IFT22: variants seen among roughly 807,000 people sequenced by gnomAD.
The protein encoded by IFT22 is intraflagellar transport 22.
A neutral mutation model predicts 21.0 loss-of-function variants in IFT22; 13 were observed. That is an observed-to-expected ratio of 0.62 (90% CI 0.40 to 0.98). The LOEUF (loss-of-function observed/expected upper bound fraction) is 0.98. Among genes scored for constraint, IFT22 ranks in the 50% least tolerant of loss-of-function variants. The pLI is 0.00. For synonymous variants in IFT22, 67 were observed against 82.4 expected, an observed-to-expected ratio of 0.81 and a Z score of 1.01; for missense variants, 227 against 228.9, an observed-to-expected ratio of 0.99 and a Z score of 0.06.
Position 101,313,756 on chromosome 7 carries a change from A to G in IFT22, c.*1378T>C, listed in dbSNP as rs1369772951. 1 of 152,256 alleles carries G rather than the reference A, an allele frequency of 6.6e-6. No homozygotes were observed. Among genetic ancestry groups the G allele is most frequent in the Non-Finnish European group, 1.5e-5 (1 of 68,052 alleles). 9.4% of individuals were successfully genotyped at this position (152,256 alleles called of 1,614,324 possible). On this transcript the variant is annotated 3_prime_UTR_variant, in exon 5 of 5. Transcript: ENST00000315322. Reference sequence around the variant, plus strand: ...TTCTCAAATACAAAATCTATGAATAAGGATCAAGTATACGTTCATTTGGCA... The same window carrying G: ...TTCTCAAATACAAAATCTATGAATAGGGATCAAGTATACGTTCATTTGGCA...
At chr7:101,318,793 C>T (rs1584314255) in intron 2 of IFT22, 163 bp downstream of exon 2, 1 of 584,718 alleles carries the variant, frequency 1.7e-6, no homozygotes, top group South Asian at 2.0e-5. Context: ...CATGCCAACA[C>T]ACCTGGCTAA....
intron 1 of IFT22, among the ~76,000 whole-genome samples, chr7:101,320,114 G>T (rs192782866): frequency 2.0e-5 from 3 of 151,886 alleles, no homozygotes; most frequent in Non-Finnish European, 4.4e-5. Context: ...GCACCACCAA[G>T]CCCAGCGAAT....
intron 1 of IFT22, among the ~76,000 whole-genome samples, chr7:101,321,099 T>C (rs1423191500): frequency 6.6e-6 from 1 of 152,004 alleles, no homozygotes; most frequent in African/African-American, 2.4e-5. Flanking sequence ...GCCAAGATCA[T>C]GCCACTGCAC....
rs532484473 is a variant in IFT22, at chr7:101,311,990, CTAAGA to C, written c.*3139_*3143del. Among the ~76,000 whole-genome samples, 466 of 152,124 alleles carry C rather than the reference CTAAGA, an allele frequency of 3.1e-3. 2 individuals carry two copies. The highest frequency in any genetic ancestry group is 0.011 in the African/African-American group (438 of 41,522). The stretch of plus-strand genomic sequence containing the variant: ...AAACAAAACAACACAAAAAAATCTC[CTAAGA>C]TGATTAAAACAAACTTGCTTCTACA... On this transcript the variant is annotated 3_prime_UTR_variant, in exon 5 of 5. Transcript: ENST00000315322.
chr7:101,321,604 G>A (rs1258019131), intron 1 of IFT22, 67 bp downstream of exon 1: 2 of 1,509,048 alleles, frequency 1.3e-6, no homozygotes, highest in Non-Finnish European at 1.8e-6. Context: ...GACGGGTGGG[G>A]ACCTGCGCTC....
Position 101,315,219 on chromosome 7 carries a change from C to G in IFT22, c.473G>C (p.Arg158Pro). 1 of 1,614,096 alleles carries G rather than the reference C, an allele frequency of 6.2e-7. No homozygotes were observed. The change falls in exon 5 of 5, where the codon CGG (arginine) becomes CCG (proline). Residue 158 changes from arginine to proline, a missense_variant. Transcript: ENST00000315322. ...SNLEDDPEEIRMEFIKYLKSI... is the reference protein window; with the variant it reads ...SNLEDDPEEIPMEFIKYLKSI... The stretch of plus-strand genomic sequence containing the variant: ...TTTTAAATACTTTATGAATTCCATC[C>G]GGATCTCCTCAGGGTCATCTTCCAG...
chr7:101,315,921 C>T (rs1584309327), intron 4 of IFT22: 3 of 178,372 alleles, frequency 1.7e-5, no homozygotes, highest in African/African-American at 7.2e-5. Context: ...GAACTCCCGA[C>T]CTCAAGTGAT....
chr7:101,319,246 A>G (rs1790257857), intron 1 of IFT22, among the ~76,000 whole-genome samples: 1 of 151,854 alleles, frequency 6.6e-6, no homozygotes, highest in Non-Finnish European at 1.5e-5. Context: ...AGGAGTTTTT[A>G]TTTTTATTTT....
chr7:101,315,122 G>C lies in IFT22; in HGVS notation c.*12C>G, dbSNP rs571787938. ...TTTCACTGGGGATGTGGCAGTCCCA[G>C]GTGAAGGCTGGCTAGGTCATAATTG... is the stretch of plus-strand genomic sequence containing the variant. On this transcript the variant is annotated 3_prime_UTR_variant, in exon 5 of 5. Coordinates refer to ENST00000315322, the MANE Select transcript of IFT22 (RefSeq NM_022777.4). 9.9e-5 allele frequency: 159 copies of C among 1,610,956 alleles called. No individual in the cohort carries two copies. The South Asian group carries it at 1.7e-3, about 17-fold the overall frequency.
chr7:101,314,977 G>A lies in IFT22; in HGVS notation c.*157C>T. On this transcript the variant is annotated 3_prime_UTR_variant, in exon 5 of 5. Coordinates refer to ENST00000315322, the MANE Select transcript of IFT22 (RefSeq NM_022777.4). ...TCAGGGCAGAGCACAGATGGTCTGA[G>A]TGAACGCCCTGTGTGACAGGTGCCT... 1.4e-6 allele frequency: 1 copy of A among 727,728 alleles called. No homozygotes were observed. Among genetic ancestry groups the A allele is most frequent in the Non-Finnish European group, 2.2e-6 (1 of 452,500 alleles). The allele number at this position is 727,728 out of a possible 1,614,324, so 45.1% of individuals were successfully genotyped here. A position where few individuals can be genotyped will look rare whatever the true frequency, so the allele number is the denominator to read the frequency against.
At chr7:101,321,568 C>A in intron 1 of IFT22, 103 bp downstream of exon 1, 3 of 1,285,436 alleles carry the variant, frequency 2.3e-6, no homozygotes, top group East Asian at 2.7e-5. Context: ...CCCGGGTTCC[C>A]GCCTCCGGGA....
At chr7:101,317,626 A>ATT (rs1161752597) in intron 3 of IFT22, among the ~76,000 whole-genome samples, 1 of 152,084 alleles carries the variant, frequency 6.6e-6, no homozygotes, top group African/African-American at 2.4e-5. Context: ...AAAGCAATGC[A>ATT]TGTCAGCAAA....
chr7:101,311,826 A>G lies in IFT22; in HGVS notation c.*3308T>C, dbSNP rs1324059099. ...GGAGTTCAAGACCAGCCTGGCCAAG[A>G]TGGTGAAACCGTCTCTACTAAAAAT... On this transcript the variant is annotated 3_prime_UTR_variant, in exon 5 of 5. Transcript: ENST00000315322. Among the ~76,000 whole-genome samples, 3 of 151,858 alleles carry G rather than the reference A, an allele frequency of 2.0e-5. No individual in the cohort carries two copies. The highest frequency in any genetic ancestry group is 4.4e-5 in the Non-Finnish European group (3 of 67,954).
Position 101,311,728 on chromosome 7 carries a change from A to G in IFT22, c.*3406T>C, listed in dbSNP as rs1308343186. ...ACAATTATGAATGAAAAATAACTCCATGGCTGGGTGCAGTGGCTCACACCT... is the reference window on the plus strand; with the variant it reads ...ACAATTATGAATGAAAAATAACTCCGTGGCTGGGTGCAGTGGCTCACACCT... On this transcript the variant is annotated 3_prime_UTR_variant, in exon 5 of 5. Transcript: ENST00000315322. Among the ~76,000 whole-genome samples, 3 of 152,180 alleles carry G rather than the reference A, an allele frequency of 2.0e-5. No individual in the cohort carries two copies. Among genetic ancestry groups the G allele is most frequent in the African/African-American group, 7.2e-5 (3 of 41,454 alleles).
Position 101,316,657 on chromosome 7 carries a change from G to T in IFT22, c.207-115C>A, listed in dbSNP as rs530279942. On this transcript the variant is annotated intron_variant, in intron 3 of 4. Coordinates refer to ENST00000315322, the MANE Select transcript of IFT22 (RefSeq NM_022777.4). ...TGGTCTATGACGGCTGGGCGTGGTG[G>T]CTCACACCTGTAATCCCAGCACTTT... The T allele has an allele frequency of 2.3e-4, 227 of 966,990 alleles. 1 individual carries two copies. The highest frequency in any genetic ancestry group is 4.3e-4 in the Middle Eastern group (2 of 4,652). 59.9% of individuals were successfully genotyped at this position (966,990 alleles called of 1,614,324 possible). A position where few individuals can be genotyped will look rare whatever the true frequency, so the allele number is the denominator to read the frequency against.
intron 4 of IFT22, 85 bp from the exon 5 acceptor site, chr7:101,315,367 T>A (rs1790115326): frequency 5.5e-6 from 8 of 1,458,736 alleles, no homozygotes; most frequent in Non-Finnish European, 5.7e-6. Flanking sequence ...TAGAAGAAAT[T>A]TAACTTTCTG....
rs189757591 is a variant in IFT22, at chr7:101,312,036, A to G, written c.*3098T>C. On this transcript the variant is annotated 3_prime_UTR_variant, in exon 5 of 5. Coordinates refer to ENST00000315322, the MANE Select transcript of IFT22 (RefSeq NM_022777.4). ...TGCTTCTACAATAAACCGTAAACTC[A>G]CCGTATCTAGTGATTCTGTACATTA... Among the ~76,000 whole-genome samples the G allele has an allele frequency of 6.0e-4, 91 of 152,182 alleles. No homozygotes were observed. The highest frequency in any genetic ancestry group is 2.0e-3 in the African/African-American group (85 of 41,546).
chr7:101,310,989 A>AT lies in IFT22; in HGVS notation c.*4144dup, dbSNP rs934461106. ...CAGGTGAACAAAATCTGCTGGGTTA[A>AT]TTTTTTTTTTTTTTTTTTTTTTGAG... On this transcript the variant is annotated 3_prime_UTR_variant, in exon 5 of 5. Coordinates refer to ENST00000315322, the MANE Select transcript of IFT22 (RefSeq NM_022777.4). The AT allele has an allele frequency of 0.16, 38,689 of 238,198 alleles. 2,487 individuals are homozygous for AT. Among genetic ancestry groups the AT allele is most frequent in the African/African-American group, 0.22 (7,640 of 35,422 alleles). The allele number at this position is 238,198 out of a possible 1,614,324, so 14.8% of individuals were successfully genotyped here. A position where few individuals can be genotyped will look rare whatever the true frequency, so the allele number is the denominator to read the frequency against.
rs1263404775 is a variant in IFT22 at position 101,321,769 on chromosome 7, C to G, written c.-60G>C. 6.8e-7 allele frequency: 1 copy of G among 1,476,116 alleles called. No homozygotes were observed. The highest frequency in any genetic ancestry group is 1.4e-5 in the African/African-American group (1 of 70,116). The allele number at this position is 1,476,116 out of a possible 1,614,324, so 91.4% of individuals were successfully genotyped here. A position where few individuals can be genotyped will look rare whatever the true frequency, so the allele number is the denominator to read the frequency against. The stretch of plus-strand genomic sequence containing the variant: ...CGGGAGGCGGCGCGTCAGGACGGAG[C>G]TCTACTTGGCCGCTTTCGTTTCCAT... On this transcript the variant is annotated 5_prime_UTR_variant, in exon 1 of 5. Transcript: ENST00000315322.
Sources: gnomAD v4.1 joint callset for allele counts (sites outside exome capture counted in the v4.1 genomes callset) on GRCh38, gnomAD v4.1.1 for gene constraint, MANE v1.5 for transcripts, NCBI Gene and HGNC (gene_info 2026-07-23, HGNC 2026-07-21) for gene names.